ANKHD1: variants seen among roughly 807,000 people sequenced by gnomAD.
ANKHD1 encodes ankyrin repeat and KH domain containing 1, also known as ankyrin repeat and KH domain-containing protein 1.
Under a neutral mutation model 230.5 loss-of-function variants are expected in ANKHD1, and 31 were observed. The ratio of observed to expected loss-of-function variants is 0.13; its 90% confidence interval spans 0.10 to 0.18. The LOEUF is 0.18. Among genes scored for constraint, ANKHD1 ranks in the 10% least tolerant of loss-of-function variants. ANKHD1 has a pLI of 1.00. For synonymous variants in ANKHD1, 1,074 were observed against 1,117.6 expected, an observed-to-expected ratio of 0.96 and a Z score of 0.78; for missense variants, 2,256 against 3,071.3, an observed-to-expected ratio of 0.73 and a Z score of 6.27.
In ANKHD1 at chr5:140,524,186, A is replaced by C; in HGVS notation, c.4438A>C (p.Lys1480Gln). 4 of 1,599,350 alleles carry C rather than the reference A, an allele frequency of 2.5e-6. No individual in the cohort carries two copies. The highest frequency in any genetic ancestry group is 3.4e-6 in the Non-Finnish European group (4 of 1,176,460). ...KQEEDEENKP[K>Q]ENSELPEDED... Reference sequence around the variant, plus strand: ...GGAAGAAGATGAAGAAAACAAACCTAAGGAGAATTCGGAACTACCAGAGGA... The same window carrying C: ...GGAAGAAGATGAAGAAAACAAACCTCAGGAGAATTCGGAACTACCAGAGGA... The change falls in exon 25 of 34, where the codon AAG becomes CAG. Residue 1480 changes from lysine to glutamine, a missense_variant. This residue lies in a region of ANKHD1 where 195 missense variants were observed against 340.3 expected (regional missense o/e 0.57). Coordinates refer to ENST00000360839, the MANE Select transcript of ANKHD1 (RefSeq NM_017747.3).
At chr5:140,408,259 A>G (rs1770641270) in intron 1 of ANKHD1, among the ~76,000 whole-genome samples, 1 of 152,182 alleles carries the variant, frequency 6.6e-6, no homozygotes, top group South Asian at 2.1e-4. Context: ...TATAAGGGGA[A>G]AAGTAAAAGT....
At chr5:140,429,014 G>C (rs909108234) in intron 1 of ANKHD1, among the ~76,000 whole-genome samples, 3 of 151,492 alleles carry the variant, frequency 2.0e-5, no homozygotes, top group Non-Finnish European at 4.4e-5. Flanking sequence ...TCGAACTCCT[G>C]ACCTCAGGTG....
At chr5:140,475,697 C>A (rs946037892) in intron 10 of ANKHD1, among the ~76,000 whole-genome samples, 1 of 152,134 alleles carries the variant, frequency 6.6e-6, no homozygotes, top group Non-Finnish European at 1.5e-5. Context: ...CTCTATGAGA[C>A]AAGAACCTTA....
chr5:140,427,741 C>T (rs1772632526), intron 1 of ANKHD1, among the ~76,000 whole-genome samples: 1 of 150,346 alleles, frequency 6.7e-6, no homozygotes, highest in African/African-American at 2.4e-5. Context: ...GCGCCCCTCA[C>T]CTCCCGGACA....
At chr5:140,455,680 ACT>A (rs1581271481) in intron 7 of ANKHD1, among the ~76,000 whole-genome samples, 1 of 152,058 alleles carries the variant, frequency 6.6e-6, no homozygotes, top group Non-Finnish European at 1.5e-5. Flanking sequence ...CATGCTAAAA[ACT>A]CTCAATAAAT....
intron 10 of ANKHD1, among the ~76,000 whole-genome samples, chr5:140,467,631 T>C (rs1419212130): frequency 6.6e-6 from 1 of 152,168 alleles, no homozygotes; most frequent in Non-Finnish European, 1.5e-5. Context: ...GTGGAAAGTA[T>C]GGGAAAGTAT....
At chr5:140,467,665 A>G (rs987694848) in intron 10 of ANKHD1, among the ~76,000 whole-genome samples, 2 of 152,204 alleles carry the variant, frequency 1.3e-5, no homozygotes, top group Non-Finnish European at 2.9e-5. Context: ...TTTAAAACCT[A>G]TGAATATTTG....
At chr5:140,510,248 A>G (rs1202019872) in intron 22 of ANKHD1, 67 bp downstream of exon 22, 7 of 1,489,144 alleles carry the variant, frequency 4.7e-6, no homozygotes, top group African/African-American at 1.4e-5. Context: ...TGTGAGAAAG[A>G]TAAGTTTATC....
At chr5:140,475,169 T>G (rs1046653857) in intron 10 of ANKHD1, among the ~76,000 whole-genome samples, 3 of 152,150 alleles carry the variant, frequency 2.0e-5, no homozygotes, top group Non-Finnish European at 2.9e-5. Context: ...ATGACTTCAG[T>G]CAAGAAGGTA....
At position 140,537,375 on chromosome 5, in the gene ANKHD1, T is replaced by G; in HGVS notation, c.7028-14T>G. ...TTCCATCTGTTTCTTCGGGATCATC[T>G]TCACCTCTTTCAGCCACTTCTGCCC... On this transcript the variant is annotated splice_polypyrimidine_tract_variant and intron_variant, in intron 30 of 33. Coordinates refer to ENST00000360839, the MANE Select transcript of ANKHD1 (RefSeq NM_017747.3). The G allele has an allele frequency of 6.2e-7, 1 of 1,613,584 alleles. No homozygotes were observed. Among genetic ancestry groups the G allele is most frequent in the South Asian group, 1.1e-5 (1 of 90,950 alleles).
At chr5:140,448,655 C>T (rs1774469486) in intron 6 of ANKHD1, among the ~76,000 whole-genome samples, 2 of 152,142 alleles carry the variant, frequency 1.3e-5, no homozygotes, top group Admixed American at 1.3e-4. Flanking sequence ...TTGTTTTCAT[C>T]AGTTTAATAT....
At chr5:140,469,595 C>T (rs1776347862) in intron 10 of ANKHD1, among the ~76,000 whole-genome samples, 1 of 151,948 alleles carries the variant, frequency 6.6e-6, no homozygotes, top group South Asian at 2.1e-4. Context: ...ATAGAAAACA[C>T]AGGAATAAAA....
chr5:140,535,636 G>GT (rs1561842409), intron 30 of ANKHD1, 98 bp downstream of exon 30: 1 of 1,401,086 alleles, frequency 7.1e-7, no homozygotes, highest in African/African-American at 1.5e-5. Flanking sequence ...AGTAAACTAA[G>GT]TGGTATACAG....
chr5:140,442,771 G>A (rs1053243893), intron 5 of ANKHD1, among the ~76,000 whole-genome samples: 1 of 152,152 alleles, frequency 6.6e-6, no homozygotes, highest in African/African-American at 2.4e-5. Context: ...CATAAACTCT[G>A]TGGCACAGAA....
At chr5:140,409,718 A>C (rs1258809207) in intron 1 of ANKHD1, among the ~76,000 whole-genome samples, 1 of 151,780 alleles carries the variant, frequency 6.6e-6, no homozygotes, top group Non-Finnish European at 1.5e-5. Flanking sequence ...ACGCTCGGCT[A>C]ATTTTTTGTA....
chr5:140,404,089 G>C (rs1770216184), intron 1 of ANKHD1, among the ~76,000 whole-genome samples: 1 of 152,226 alleles, frequency 6.6e-6, no homozygotes, highest in Admixed American at 6.5e-5. Context: ...CTAAGCCAAG[G>C]TGAGAGAAAT....
Position 140,449,148 on chromosome 5 carries a change from C to G in ANKHD1, c.1148-63C>G, listed in dbSNP as rs924505646. 1.8e-5 allele frequency: 26 copies of G among 1,474,484 alleles called. No homozygotes were observed. In the African/African-American group the frequency reaches 3.3e-4, roughly 18 times the overall value. 91.3% of individuals were successfully genotyped at this position (1,474,484 alleles called of 1,614,324 possible). On this transcript the variant is annotated intron_variant, in intron 6 of 33. Transcript: ENST00000360839. The stretch of plus-strand genomic sequence containing the variant: ...GACATCTGAAGAAAAAGATTCCATA[C>G]CTCAATATTTAAATATTAAACTGAT...
chr5:140,427,977 A>G (rs1486750512), intron 1 of ANKHD1, among the ~76,000 whole-genome samples: 2 of 143,848 alleles, frequency 1.4e-5, no homozygotes, highest in South Asian at 2.2e-4. Flanking sequence ...CCAGGCAGAG[A>G]CACTCCTCAC....
At chr5:140,413,076 G>C (rs1771069765) in intron 1 of ANKHD1, among the ~76,000 whole-genome samples, 1 of 152,154 alleles carries the variant, frequency 6.6e-6, no homozygotes, top group Non-Finnish European at 1.5e-5. Context: ...ATTTTGAAAA[G>C]AGAAAGGCAA....
Sources: allele counts gnomAD v4.1 joint callset (sites outside exome capture counted in the v4.1 genomes callset), GRCh38; gene constraint gnomAD v4.1.1; regional missense constraint gnomAD v4.1.1; transcripts MANE v1.5; gene names NCBI Gene and HGNC (gene_info 2026-07-23, HGNC 2026-07-21).